TGFBI: variants seen among roughly 807,000 people sequenced by gnomAD.
The protein encoded by TGFBI is transforming growth factor beta induced.
In TGFBI, 50 loss-of-function variants were observed where a neutral mutation model predicts 73.7. The ratio of observed to expected loss-of-function variants is 0.68; its 90% CI spans 0.54 to 0.86. The LOEUF is 0.86. TGFBI is among the 40% of genes least tolerant of loss of function. The probability of loss-of-function intolerance (pLI) is 0.00; values close to 1 mark genes in which losing one functional copy is unlikely to be tolerated. For synonymous variants in TGFBI, 362 were observed against 360.5 expected (o/e 1.00, Z -0.05); for missense variants, 839 against 877.0 (o/e 0.96, Z 0.55).
chr5:136,042,942 T>C (rs1751364856), intron 2 of TGFBI, among the ~76,000 whole-genome samples: 1 of 152,218 alleles, frequency 6.6e-6, no homozygotes. Context: ...AAAGCCTGTA[T>C]TTCTTCCAGT....
intron 2 of TGFBI, among the ~76,000 whole-genome samples, chr5:136,038,455 G>T (rs745699322): frequency 2.0e-5 from 3 of 152,110 alleles, no homozygotes; most frequent in Non-Finnish European, 4.4e-5. Flanking sequence ...GGTGGTTCAC[G>T]CCTTTAATCC....
At chr5:136,062,900 C>A (rs749307020) in intron 16 of TGFBI, among the ~76,000 whole-genome samples, 1 of 152,184 alleles carries the variant, frequency 6.6e-6, no homozygotes, top group African/African-American at 2.4e-5. Flanking sequence ...GAGTAACAAC[C>A]TTTTAGGGTT....
At chr5:136,047,215 G>A in intron 5 of TGFBI, 59 bp from the exon 6 acceptor site, 1 of 1,599,390 alleles carries the variant, frequency 6.3e-7, no homozygotes, top group South Asian at 1.1e-5. Context: ...CTCCTCCCGG[G>A]GCTTTGGGAC....
intron 2 of TGFBI, among the ~76,000 whole-genome samples, chr5:136,040,347 C>T (rs45615639): frequency 8.6e-4 from 131 of 152,342 alleles, no homozygotes; most frequent in African/African-American, 3.1e-3. Flanking sequence ...CCAGGCCACA[C>T]AGCAGGAGTT....
intron 14 of TGFBI, chr5:136,061,285 A>G (rs1580723719): frequency 1.7e-6 from 1 of 595,040 alleles, no homozygotes; most frequent in South Asian, 2.0e-5. Context: ...GTGCAGTTGA[A>G]CCTCAGTCCT....
At chr5:136,036,185 A>G (rs1751217899) in intron 2 of TGFBI, among the ~76,000 whole-genome samples, 1 of 152,114 alleles carries the variant, frequency 6.6e-6, no homozygotes, top group Non-Finnish European at 1.5e-5. Flanking sequence ...AGTGAGCACA[A>G]GGGGAGTCCT....
chr5:136,063,456 TG>T lies in TGFBI; in HGVS notation c.*232del, dbSNP rs1751785799. 1 of 516,310 alleles carries T rather than the reference TG, an allele frequency of 1.9e-6. No homozygotes were observed. Among genetic ancestry groups the T allele is most frequent in the East Asian group, 3.3e-5 (1 of 30,732 alleles). The allele number at this position is 516,310 out of a possible 1,614,324, so 32.0% of individuals were successfully genotyped here. A position where few individuals can be genotyped will look rare whatever the true frequency, so the allele number is the denominator to read the frequency against. ...TGTTAACCCACTGCATGCAGAAACT[TG>T]GATGTCACTGCCTGACATTCACTTC... On this transcript the variant is annotated 3_prime_UTR_variant, in exon 17 of 17. Transcript: ENST00000442011.
intron 7 of TGFBI, among the ~76,000 whole-genome samples, chr5:136,050,941 C>T (rs2126911702): frequency 6.6e-6 from 1 of 152,214 alleles, no homozygotes; most frequent in East Asian, 1.9e-4. Flanking sequence ...AACTTAAGAC[C>T]TAGTAGAAAT....
intron 7 of TGFBI, among the ~76,000 whole-genome samples, chr5:136,051,925 A>G (rs1751543681): frequency 6.6e-6 from 1 of 152,214 alleles, no homozygotes; most frequent in South Asian, 2.1e-4. Context: ...GCAGGGCCTC[A>G]GAGCTTCCTC....
intron 4 of TGFBI, 48 bp from the exon 5 acceptor site, chr5:136,046,803 A>T: frequency 6.3e-7 from 1 of 1,583,782 alleles, no homozygotes; most frequent in Non-Finnish European, 8.6e-7. Context: ...CCCATCTCTT[A>T]AACACAGAGT....
intron 1 of TGFBI, among the ~76,000 whole-genome samples, chr5:136,033,170 A>G (rs901567074): frequency 3.9e-5 from 6 of 152,132 alleles, no homozygotes; most frequent in Non-Finnish European, 7.3e-5. Flanking sequence ...TTGGAACCCA[A>G]CATCAAATAA....
intron 2 of TGFBI, among the ~76,000 whole-genome samples, chr5:136,035,247 C>A (rs561318939): frequency 5.3e-5 from 8 of 152,142 alleles, no homozygotes; most frequent in Admixed American, 2.6e-4. Flanking sequence ...AGACACCCAG[C>A]GATATTCTTG....
rs778607521 is a variant in TGFBI at position 136,063,250 on chromosome 5, C to T, written c.*24C>T. On this transcript the variant is annotated 3_prime_UTR_variant, in exon 17 of 17. Transcript: ENST00000442011. ...AGCTTGAAGCACTACAGGAGGAATG[C>T]ACCACGGCAGCTCTCCGCCAATTTC... is the stretch of plus-strand genomic sequence containing the variant. 6.2e-6 allele frequency: 10 copies of T among 1,608,430 alleles called. No individual in the cohort carries two copies. In the East Asian group the frequency reaches 1.8e-4, roughly 29 times the overall value.
chr5:136,047,154 C>G (rs928923407), intron 5 of TGFBI, 120 bp from the exon 6 acceptor site: 56 of 1,531,884 alleles, frequency 3.7e-5, no homozygotes, highest in South Asian at 6.1e-5. Flanking sequence ...GCCCTCTATT[C>G]CACAGCTTGT....
chr5:136,033,140 A>C (rs115728124), intron 1 of TGFBI, among the ~76,000 whole-genome samples: 1 of 152,102 alleles, frequency 6.6e-6, no homozygotes, highest in Non-Finnish European at 1.5e-5. Context: ...ACCTCCCCGC[A>C]TCACTTACAG....
intron 13 of TGFBI, among the ~76,000 whole-genome samples, chr5:136,059,442 AGCATCTGATTTG>A (rs1266450744): frequency 2.0e-5 from 3 of 152,186 alleles, no homozygotes; most frequent in Non-Finnish European, 2.9e-5. Flanking sequence ...AAGGGAATAG[AGCATCTGATTTG>A]GCATCTGAGA....
In TGFBI at chr5:136,046,885, T is replaced by C. The variant is rs182124708; in HGVS notation, c.494T>C (p.Ile165Thr). 1.1e-4 allele frequency: 180 copies of C among 1,613,726 alleles called. No homozygotes were observed. The highest frequency in any genetic ancestry group is 1.6e-4 in the East Asian group (7 of 44,840). Residue 165 changes from isoleucine to threonine, a missense_variant, in exon 5 of 17, where the codon ATT becomes ACT. By Grantham distance (89) the Ile-to-Thr change is moderately conservative. Transcript: ENST00000442011. ...GACTCCCTGGTCAGCAATGTCAACA[T>C]TGAGCTGCTCAATGCCCTCCGCTAC... ...VLDSLVSNVNIELLNALRYHM... is the reference protein window; with the variant it reads ...VLDSLVSNVNTELLNALRYHM...
At chr5:136,049,289 A>G (rs1299472971) in intron 6 of TGFBI, 150 bp from the exon 7 acceptor site, 7 of 1,066,554 alleles carry the variant, frequency 6.6e-6, no homozygotes, top group Non-Finnish European at 7.9e-6. Context: ...GGCCATGGTC[A>G]TGGGTGAGCT....
chr5:136,054,171 C>G, intron 9 of TGFBI, 91 bp downstream of exon 9: 1 of 1,504,778 alleles, frequency 6.6e-7, no homozygotes, highest in Non-Finnish European at 9.0e-7. Context: ...TTTACAGCAC[C>G]CCATGGGACA....
Sources: gnomAD v4.1 joint callset for allele counts (sites outside exome capture counted in the v4.1 genomes callset) on GRCh38, gnomAD v4.1.1 for gene constraint, MANE v1.5 for transcripts, NCBI Gene and HGNC (gene_info 2026-07-23, HGNC 2026-07-21) for gene names.